The following KLHL22 variants were observed in gnomAD, a reference collection of about 807,000 sequenced individuals.
KLHL22 encodes the protein kelch like family member 22.
A neutral mutation model predicts 60.7 loss-of-function variants in KLHL22; 18 were observed. The ratio of observed to expected loss-of-function variants is 0.30; its 90% CI spans 0.20 to 0.44. KLHL22 has a LOEUF of 0.44. KLHL22 is among the 20% of genes least tolerant of loss of function. The probability of loss-of-function intolerance (pLI) is 1.00; values close to 1 mark genes in which losing one functional copy is unlikely to be tolerated. For synonymous variants in KLHL22, 355 were observed against 354.5 expected (o/e 1.00, Z -0.01); for missense variants, 596 against 852.3 (o/e 0.70, Z 3.74).
intron 2 of KLHL22, among the ~76,000 whole-genome samples, chr22:20,480,195 G>A (rs1034477327): frequency 2.0e-5 from 3 of 152,142 alleles, no homozygotes; most frequent in African/African-American, 4.8e-5. Context: ...AGGGCCTGGG[G>A]GTAAAGGAGA....
chr22:20,493,130 C>T (rs751050853), intron 1 of KLHL22: 33 of 470,882 alleles, frequency 7.0e-5, no homozygotes, highest in African/African-American at 6.4e-4. Flanking sequence ...GACATCAAGC[C>T]CCCAGGTGGA....
In KLHL22 at chr22:20,455,797, C is replaced by T. The variant is rs563677619; in HGVS notation, c.1305+2011G>A. ...GAGACATGCGATAAATACACTAGCA[C>T]GTAGAGCCACAGTGCATGCGCTGCT... On this transcript the variant is annotated intron_variant, in intron 5 of 6. Transcript: ENST00000328879. Among the ~76,000 whole-genome samples, 10 of 152,334 alleles carry T rather than the reference C, an allele frequency of 6.6e-5. No homozygotes were observed. The South Asian group carries it at 1.2e-3, about 19-fold the overall frequency.
At chr22:20,466,778 G>C (rs2053243343) in intron 3 of KLHL22, among the ~76,000 whole-genome samples, 1 of 152,200 alleles carries the variant, frequency 6.6e-6, no homozygotes, top group Non-Finnish European at 1.5e-5. Context: ...CCCTGACTCA[G>C]GGTTCTTGAG....
At chr22:20,468,105 A>G (rs191076028) in intron 3 of KLHL22, among the ~76,000 whole-genome samples, 48 of 151,872 alleles carry the variant, frequency 3.2e-4, no homozygotes, top group African/African-American at 9.9e-4. Flanking sequence ...AGGTATCCCC[A>G]TGGTGCTTTG....
chr22:20,454,890 A>G (rs1285735756), intron 5 of KLHL22, among the ~76,000 whole-genome samples: 1 of 151,890 alleles, frequency 6.6e-6, no homozygotes, highest in Non-Finnish European at 1.5e-5. Context: ...GTTTGTTTTG[A>G]GACGGAGTCT....
intron 6 of KLHL22, among the ~76,000 whole-genome samples, chr22:20,442,961 T>G (rs892153947): frequency 6.6e-6 from 1 of 152,230 alleles, no homozygotes; most frequent in Non-Finnish European, 1.5e-5. Context: ...AACATCAATA[T>G]TCTCTTGTCT....
chr22:20,457,797 G>A lies in KLHL22; in HGVS notation c.1305+11C>T, dbSNP rs766562406. On this transcript the variant is annotated intron_variant, in intron 5 of 6. Coordinates refer to ENST00000328879, the MANE Select transcript of KLHL22 (RefSeq NM_032775.4). ...AGGCAGGAGAAGGCCCCTCTTCGAG[G>A]GCTTCCTTACCTCCCTCTTGAGTGG... 1.3e-6 allele frequency: 2 copies of A among 1,579,656 alleles called. No homozygotes were observed. The highest frequency in any genetic ancestry group is 1.3e-5 in the African/African-American group (1 of 74,468).
chr22:20,488,550 G>A (rs2053624671), intron 2 of KLHL22: 1 of 195,332 alleles, frequency 5.1e-6, no homozygotes, highest in Non-Finnish European at 1.1e-5. Context: ...CACGAAGGAG[G>A]CCATAAGAAA....
At chr22:20,485,939 A>C (rs2053578481) in intron 2 of KLHL22, among the ~76,000 whole-genome samples, 2 of 151,384 alleles carry the variant, frequency 1.3e-5, no homozygotes, top group African/African-American at 4.9e-5. Context: ...GAGGCCAAGG[A>C]GGGCAAATCA....
intron 6 of KLHL22, among the ~76,000 whole-genome samples, chr22:20,445,208 ATTTTTTT>A (rs57956195): frequency 8.3e-6 from 1 of 120,460 alleles, no homozygotes. Context: ...ACCCTTCTCT[ATTTTTTT>A]TTTTTTTTTG....
chr22:20,465,430 C>T lies in KLHL22; in HGVS notation c.540G>A (p.Val180=), dbSNP rs2053219539. ...GGTACTTGTCAGTCCGAGAGAAGGC[C>T]ACAAAGTTTTTGAGGATATAGGTGT... The part of the protein sequence containing the change: ...QLDTYILKNF[V]AFSRTDKYRQ... The change falls in exon 4 of 7, where the codon GTG becomes GTA. Residue 180 remains valine (V), a synonymous_variant. Transcript: ENST00000328879. This position sits in a 1 kb window ranked among gnomAD's most constrained non-coding sequence, Gnocchi z 4.9. 2 of 1,614,042 alleles carry T rather than the reference C, an allele frequency of 1.2e-6. No homozygotes were observed. The highest frequency in any genetic ancestry group is 1.7e-6 in the Non-Finnish European group (2 of 1,180,036).
At chr22:20,494,260 A>G (rs1388649925) in intron 1 of KLHL22, among the ~76,000 whole-genome samples, 2 of 152,160 alleles carry the variant, frequency 1.3e-5, no homozygotes, top group African/African-American at 4.8e-5. Context: ...AGTCCTGGCT[A>G]TCTGGGGTGA....
intron 4 of KLHL22, among the ~76,000 whole-genome samples, chr22:20,463,158 G>T (rs2053181498): frequency 6.6e-6 from 1 of 152,140 alleles, no homozygotes; most frequent in South Asian, 2.1e-4. Context: ...TAACCAGTAG[G>T]GCTGTGGTCC....
Position 20,441,897 on chromosome 22 carries a change from G to T in KLHL22, c.*176C>A. 1 of 548,826 alleles carries T rather than the reference G, an allele frequency of 1.8e-6. No individual in the cohort carries two copies. Among genetic ancestry groups the T allele is most frequent in the Non-Finnish European group, 3.0e-6 (1 of 332,314 alleles). 34.0% of individuals were successfully genotyped at this position (548,826 alleles called of 1,614,324 possible). A position where few individuals can be genotyped will look rare whatever the true frequency, so the allele number is the denominator to read the frequency against. ...CAGCCTGGGATCTGCATGGCCCTGA[G>T]ATGCCTGCGGCAGGCTGGCCAAGGG... is the stretch of plus-strand genomic sequence containing the variant. On this transcript the variant is annotated 3_prime_UTR_variant, in exon 7 of 7. Coordinates refer to ENST00000328879, the MANE Select transcript of KLHL22 (RefSeq NM_032775.4).
At chr22:20,493,360 C>T (rs2053720400) in intron 1 of KLHL22, 1 of 410,790 alleles carries the variant, frequency 2.4e-6, no homozygotes, top group Non-Finnish European at 4.9e-6. Context: ...GGAAGGAGCA[C>T]AGCACAGGGT....
chr22:20,480,053 C>A (rs941913314), intron 2 of KLHL22, among the ~76,000 whole-genome samples: 1 of 152,178 alleles, frequency 6.6e-6, no homozygotes, highest in African/African-American at 2.4e-5. Context: ...CATGTTATAA[C>A]ACACATGAAC....
intron 2 of KLHL22, among the ~76,000 whole-genome samples, chr22:20,479,819 T>G (rs1209014665): frequency 1.3e-5 from 2 of 152,068 alleles, no homozygotes; most frequent in African/African-American, 4.8e-5. Flanking sequence ...CCTCAGAAAA[T>G]TGTCAATAGA....
intron 1 of KLHL22, among the ~76,000 whole-genome samples, chr22:20,490,715 C>T (rs2053673261): frequency 6.6e-6 from 1 of 152,216 alleles, no homozygotes; most frequent in Admixed American, 6.5e-5. Flanking sequence ...TTTCGGAGCA[C>T]ACAATCTGGA....
intron 3 of KLHL22, among the ~76,000 whole-genome samples, chr22:20,467,194 G>C (rs1440645971): frequency 2.0e-5 from 3 of 152,194 alleles, no homozygotes; most frequent in Non-Finnish European, 4.4e-5. Context: ...CTCCCAGCAG[G>C]CTTGAACCCA....
Sources: allele counts gnomAD v4.1 joint callset (sites outside exome capture counted in the v4.1 genomes callset), GRCh38; gene constraint gnomAD v4.1.1; non-coding constraint Gnocchi (gnomAD v3.1); transcripts MANE v1.5; gene names NCBI Gene and HGNC (gene_info 2026-07-23, HGNC 2026-07-21).